NGEF: variants seen among roughly 807,000 people sequenced by gnomAD.
The protein encoded by NGEF is ephexin-1.
In NGEF, 31 loss-of-function variants were observed where a neutral mutation model predicts 80.9. The ratio of observed to expected loss-of-function variants is 0.38; its 90% confidence interval spans 0.29 to 0.52. The LOEUF (loss-of-function observed/expected upper bound fraction) is 0.52. Among genes scored for constraint, NGEF ranks in the 20% least tolerant of loss-of-function variants. The pLI is 0.84. For missense variants in NGEF, 709 were observed against 926.2 expected (o/e 0.77, Z 3.04); for synonymous variants, 371 against 370.2 (o/e 1.00, Z -0.03).
chr2:232,954,050 T>G (rs182478357), intron 3 of NGEF, among the ~76,000 whole-genome samples: 2 of 152,106 alleles, frequency 1.3e-5, no homozygotes, highest in African/African-American at 4.8e-5. Flanking sequence ...CCTATTGGCG[T>G]GAGGATAACA....
chr2:232,933,384 G>A (rs1046321636), intron 3 of NGEF, among the ~76,000 whole-genome samples: 4 of 151,980 alleles, frequency 2.6e-5, no homozygotes, highest in African/African-American at 4.8e-5. Context: ...GCTGGCCTCC[G>A]TGTCTGTACT....
chr2:232,962,018 G>C (rs1693963426), intron 3 of NGEF, among the ~76,000 whole-genome samples: 1 of 152,130 alleles, frequency 6.6e-6, no homozygotes, highest in Non-Finnish European at 1.5e-5. Flanking sequence ...TGGAAAGATG[G>C]GCTTCATCTC....
intron 3 of NGEF, among the ~76,000 whole-genome samples, chr2:232,944,631 CT>C (rs150665052): frequency 0.097 from 14,037 of 144,154 alleles, 863 homozygotes; most frequent in African/African-American, 0.18. Flanking sequence ...ACACACACTT[CT>C]TTTTTTTTTC....
chr2:232,891,246 G>C, intron 8 of NGEF, 112 bp downstream of exon 8: 1 of 1,375,308 alleles, frequency 7.3e-7, no homozygotes, highest in Non-Finnish European at 1.0e-6. Flanking sequence ...CACATGGGAG[G>C]AGCTTAGTAT....
intron 5 of NGEF, among the ~76,000 whole-genome samples, chr2:232,909,233 G>A (rs1692642214): frequency 6.6e-6 from 1 of 152,036 alleles, no homozygotes; most frequent in Non-Finnish European, 1.5e-5. Flanking sequence ...ATCCCTTTGA[G>A]TTTTATCTAG....
At chr2:232,994,926 A>G (rs1212764625) in intron 1 of NGEF, among the ~76,000 whole-genome samples, 2 of 108,764 alleles carry the variant, frequency 1.8e-5, no homozygotes, top group African/African-American at 7.6e-5. Flanking sequence ...TTATATACAT[A>G]CATGGATATA....
chr2:232,977,490 G>A (rs1442878648), intron 1 of NGEF, among the ~76,000 whole-genome samples: 1 of 152,194 alleles, frequency 6.6e-6, no homozygotes, highest in Admixed American at 6.5e-5. Context: ...AGAGTTCAGT[G>A]AGGCCTGCCT....
At chr2:232,998,740 G>C (rs1438178298) in intron 1 of NGEF, among the ~76,000 whole-genome samples, 1 of 152,136 alleles carries the variant, frequency 6.6e-6, no homozygotes, top group Non-Finnish European at 1.5e-5. Flanking sequence ...GTAGGTGCCA[G>C]GCCAGTCGTC....
chr2:232,925,944 T>C (rs1313344046), intron 4 of NGEF, among the ~76,000 whole-genome samples: 1 of 152,128 alleles, frequency 6.6e-6, no homozygotes, highest in African/African-American at 2.4e-5. Flanking sequence ...TCAGCGCGGC[T>C]TAACAGCATG....
chr2:232,930,680 G>A (rs1353662587), intron 3 of NGEF, among the ~76,000 whole-genome samples: 1 of 152,038 alleles, frequency 6.6e-6, no homozygotes, highest in East Asian at 1.9e-4. Context: ...TCCCATTCAT[G>A]AGGGATCCAC....
intron 3 of NGEF, among the ~76,000 whole-genome samples, chr2:232,961,800 A>C (rs935832756): frequency 6.6e-6 from 1 of 152,168 alleles, no homozygotes; most frequent in Non-Finnish European, 1.5e-5. Flanking sequence ...AAGAGACACA[A>C]AAAAGAGTCC....
At chr2:232,991,993 A>G (rs948890174) in intron 1 of NGEF, among the ~76,000 whole-genome samples, 2 of 152,236 alleles carry the variant, frequency 1.3e-5, no homozygotes, top group African/African-American at 4.8e-5. Context: ...GTTGCCTTCA[A>G]CAAATAGTGC....
At chr2:233,000,731 G>T (rs1694956383) in intron 1 of NGEF, among the ~76,000 whole-genome samples, 1 of 150,028 alleles carries the variant, frequency 6.7e-6, no homozygotes, top group Non-Finnish European at 1.5e-5. Context: ...CTGCACTCCA[G>T]CTCGGGCGAC....
chr2:232,889,148 A>G (rs969897083), intron 8 of NGEF, among the ~76,000 whole-genome samples: 10 of 151,616 alleles, frequency 6.6e-5, no homozygotes, highest in Non-Finnish European at 1.3e-4. Flanking sequence ...TGCTTTTTCC[A>G]TCCTGTATGT....
chr2:232,998,985 T>C (rs906113332), intron 1 of NGEF, among the ~76,000 whole-genome samples: 1 of 152,162 alleles, frequency 6.6e-6, no homozygotes, highest in Admixed American at 6.5e-5. Context: ...GTGCTAGGCC[T>C]CTGGTCATGA....
chr2:232,956,625 G>A (rs1417925044), intron 3 of NGEF, among the ~76,000 whole-genome samples: 2 of 151,874 alleles, frequency 1.3e-5, no homozygotes, highest in East Asian at 3.9e-4. Flanking sequence ...AAAGTAGCTG[G>A]GGATGATGGC....
intron 5 of NGEF, among the ~76,000 whole-genome samples, chr2:232,904,698 C>A (rs1054831621): frequency 6.6e-6 from 1 of 152,306 alleles, no homozygotes; most frequent in Non-Finnish European, 1.5e-5. Flanking sequence ...AATCCCAGCA[C>A]TTTGGGAGGC....
intron 3 of NGEF, among the ~76,000 whole-genome samples, chr2:232,965,735 C>T (rs546658470): frequency 1.6e-4 from 24 of 152,248 alleles, no homozygotes; most frequent in African/African-American, 4.6e-4. Context: ...TGACTTATCT[C>T]GCCATGGAGA....
chr2:232,925,459 T>G (rs1375487748), intron 4 of NGEF, among the ~76,000 whole-genome samples: 1 of 152,072 alleles, frequency 6.6e-6, no homozygotes, highest in Admixed American at 6.5e-5. Flanking sequence ...GAGGAAAGAC[T>G]CAGAACATCA....
Sources: allele counts gnomAD v4.1 joint callset (sites outside exome capture counted in the v4.1 genomes callset), GRCh38; gene constraint gnomAD v4.1.1; transcripts MANE v1.5; gene names NCBI Gene and HGNC (gene_info 2026-07-23, HGNC 2026-07-21).